Variants in SCRN3 observed in about 807,000 individuals in gnomAD.
SCRN3 encodes the protein secernin-3.
In SCRN3, 39 loss-of-function variants were observed where a neutral mutation model predicts 43.1. The observed-to-expected ratio is 0.91, with a 90% CI of 0.70 to 1.18. The LOEUF (loss-of-function observed/expected upper bound fraction) is 1.18, where lower values mean the gene tolerates loss of function less well. Ranked by LOEUF, SCRN3 falls within the 50% of genes most tolerant of loss-of-function variation. The pLI, the probability that SCRN3 is intolerant of heterozygous loss-of-function variation, is 0.00. For missense variants in SCRN3, 484 were observed against 498.0 expected (o/e 0.97, Z 0.27); for synonymous variants, 147 against 163.1 (o/e 0.90, Z 0.75).
intron 5 of SCRN3, among the ~76,000 whole-genome samples, chr2:174,412,860 C>CTTTT (rs71024803): frequency 6.3e-4 from 39 of 61,920 alleles, no homozygotes; most frequent in Non-Finnish European, 7.1e-4. Flanking sequence ...CCATATAGTG[C>CTTTT]TTTTTTTTTT....
intron 5 of SCRN3, among the ~76,000 whole-genome samples, chr2:174,416,132 G>T (rs942626434): frequency 6.6e-5 from 10 of 152,326 alleles, no homozygotes; most frequent in African/African-American, 2.4e-4. Flanking sequence ...ACCAAGCAAG[G>T]TTATGGAGAT....
intron 6 of SCRN3, among the ~76,000 whole-genome samples, chr2:174,423,281 A>T (rs12612947): frequency 0.15 from 22,488 of 152,224 alleles, 1,944 homozygotes; most frequent in Middle Eastern, 0.3. Context: ...CCTTCTTCGT[A>T]CAAATAGATT....
chr2:174,396,862 A>G (rs1685337756), intron 1 of SCRN3: 2 of 154,086 alleles, frequency 1.3e-5, no homozygotes, highest in South Asian at 2.1e-4. Context: ...AATAATAACA[A>G]TAACAGCTTT....
At chr2:174,407,635 G>A (rs1271729079) in intron 5 of SCRN3, among the ~76,000 whole-genome samples, 3 of 116,802 alleles carry the variant, frequency 2.6e-5, no homozygotes, top group East Asian at 2.5e-4. Flanking sequence ...CTTTGAATGC[G>A]TCCCAGAGAT....
chr2:174,410,201 G>A (rs1404697047), intron 5 of SCRN3: 4 of 150,198 alleles, frequency 2.7e-5, no homozygotes, highest in African/African-American at 4.9e-5. Context: ...CGCAATATTC[G>A]GGTGGGAGTG....
intron 5 of SCRN3, among the ~76,000 whole-genome samples, chr2:174,418,167 C>G (rs573896528): frequency 2.6e-5 from 4 of 152,238 alleles, no homozygotes; most frequent in African/African-American, 9.6e-5. Context: ...ATAACTGAAT[C>G]ATAGATTTGA....
rs779004549 is a variant in SCRN3, at chr2:174,422,929, C to T, written c.799C>T (p.Pro267Ser). ...AATGATGGAAATTCTTCGAGATAAA[C>T]CAAGTGGCATTAATATGGAGGGAGA... ...ETMMEILRDK[P>S]SGINMEGEFL... The change falls in exon 6 of 8, where the codon CCA becomes TCA. Residue 267 changes from proline to serine, a missense_variant. Pro to Ser is a moderately conservative substitution (Grantham distance 74). Transcript: ENST00000272732. The T allele has an allele frequency of 6.2e-7, 1 of 1,610,908 alleles. No individual in the cohort carries two copies. The highest frequency in any genetic ancestry group is 8.5e-7 in the Non-Finnish European group (1 of 1,177,306).
chr2:174,419,612 CTCACAGTA>C (rs80246791), intron 5 of SCRN3, among the ~76,000 whole-genome samples: 29,334 of 151,836 alleles, frequency 0.19, 3,287 homozygotes, highest in Middle Eastern at 0.38. Context: ...AACTCCTGGG[CTCACAGTA>C]TCAAGTGATA....
chr2:174,418,091 G>T (rs1686177629), intron 5 of SCRN3, among the ~76,000 whole-genome samples: 1 of 151,784 alleles, frequency 6.6e-6, no homozygotes, highest in South Asian at 2.1e-4. Flanking sequence ...AAGAAAGAAA[G>T]AAAAAAGAAA....
At chr2:174,424,745 T>G in intron 7 of SCRN3, 96 bp downstream of exon 7, 6 of 904,542 alleles carry the variant, frequency 6.6e-6, no homozygotes, top group East Asian at 2.6e-5. Flanking sequence ...TCCCTTCTTA[T>G]AAGAAATAGT....
chr2:174,414,700 G>A (rs1686040953), intron 5 of SCRN3, among the ~76,000 whole-genome samples: 1 of 151,052 alleles, frequency 6.6e-6, no homozygotes, highest in African/African-American at 2.4e-5. Context: ...TTTCATTATT[G>A]AAATTATATA....
At position 174,422,983 on chromosome 2, in the gene SCRN3, A is replaced by G. The variant is rs765571983; in HGVS notation, c.853A>G (p.Ile285Val). 3 of 1,613,928 alleles carry G rather than the reference A, an allele frequency of 1.9e-6. No individual in the cohort carries two copies. The highest frequency in any genetic ancestry group is 2.2e-5 in the South Asian group (2 of 91,066). ...CCTGACCACTGCAAGCATGGTTTCTATTTTACCTCAAGACTCCAGCCTTCC... is the reference window on the plus strand; with the variant it reads ...CCTGACCACTGCAAGCATGGTTTCTGTTTTACCTCAAGACTCCAGCCTTCC... ...EFLTTASMVS[I>V]LPQDSSLPCI... The change falls in exon 6 of 8, where the codon ATT becomes GTT. Residue 285 changes from isoleucine (I) to valine (V), a missense_variant. By Grantham distance (29) the Ile-to-Val change is conservative (BLOSUM62 3). Coordinates refer to ENST00000272732, the MANE Select transcript of SCRN3 (RefSeq NM_024583.5).
intron 5 of SCRN3, among the ~76,000 whole-genome samples, chr2:174,414,978 G>T (rs756521152): frequency 6.6e-6 from 1 of 151,924 alleles, no homozygotes; most frequent in African/African-American, 2.4e-5. Context: ...GGCCAGGCTG[G>T]TCTCTAACTT....
chr2:174,396,027 TGACTC>T, intron 1 of SCRN3: 1 of 1,316,618 alleles, frequency 7.6e-7, no homozygotes, highest in Non-Finnish European at 9.7e-7. Flanking sequence ...CTGTGGACTC[TGACTC>T]GAGCTGCAAA....
At chr2:174,412,860 CTTTTTTTTTTT>C (rs71024803) in intron 5 of SCRN3, among the ~76,000 whole-genome samples, 1 of 61,910 alleles carries the variant, frequency 1.6e-5, no homozygotes, top group Non-Finnish European at 2.8e-5. Context: ...CCATATAGTG[CTTTTTTTTTTT>C]TTTTTTTTTT....
chr2:174,397,141 A>T (rs1296498784), intron 1 of SCRN3: 2 of 980,346 alleles, frequency 2.0e-6, no homozygotes, highest in Non-Finnish European at 2.4e-6. Flanking sequence ...GTCACTGAGG[A>T]GAAGAGGAAA....
chr2:174,400,119 A>G lies in SCRN3; in HGVS notation c.341+16A>G. 1 of 1,511,320 alleles carries G rather than the reference A, an allele frequency of 6.6e-7. No homozygotes were observed. The allele number at this position is 1,511,320 out of a possible 1,614,324, so 93.6% of individuals were successfully genotyped here. Reference sequence around the variant, plus strand: ...ACCTTGTCAGGTTATTTTTTGTTACATTTTATACTACAGACCTTGTCTAAA... The same window carrying G: ...ACCTTGTCAGGTTATTTTTTGTTACGTTTTATACTACAGACCTTGTCTAAA... On this transcript the variant is annotated intron_variant, in intron 3 of 7. Transcript: ENST00000272732.
chr2:174,401,498 C>T (rs1212733393), intron 4 of SCRN3, among the ~76,000 whole-genome samples: 2 of 152,062 alleles, frequency 1.3e-5, no homozygotes, highest in African/African-American at 4.8e-5. Flanking sequence ...AATTTCTTCC[C>T]CTTTAAACTT....
chr2:174,423,001 A>C lies in SCRN3; in HGVS notation c.871A>C (p.Ser291Arg). 1.2e-6 allele frequency: 2 copies of C among 1,613,766 alleles called. No individual in the cohort carries two copies. Among genetic ancestry groups the C allele is most frequent in the Non-Finnish European group, 1.7e-6 (2 of 1,179,764 alleles). The change falls in exon 6 of 8, where the codon AGC (serine) becomes CGC (arginine). Residue 291 changes from serine to arginine, a missense_variant. Transcript: ENST00000272732. Reference protein sequence around the residue: ...SMVSILPQDSSLPCIHFFTGT... With the variant: ...SMVSILPQDSRLPCIHFFTGT... The stretch of plus-strand genomic sequence containing the variant: ...GGTTTCTATTTTACCTCAAGACTCC[A>C]GCCTTCCTTGCATTCACTTCTTTAC...
Sources: gnomAD v4.1 joint callset for allele counts (sites outside exome capture counted in the v4.1 genomes callset) on GRCh38, gnomAD v4.1.1 for gene constraint, MANE v1.5 for transcripts, NCBI Gene and HGNC (gene_info 2026-07-23, HGNC 2026-07-21) for gene names.